The following TEC variants were observed in gnomAD, a reference collection of about 807,000 sequenced individuals.
The protein encoded by TEC is tyrosine-protein kinase Tec.
In TEC, 72 loss-of-function variants were observed where a neutral mutation model predicts 93.0. The ratio of observed to expected loss-of-function variants is 0.77; its 90% CI spans 0.64 to 0.94. TEC has a LOEUF of 0.94. Ranked by LOEUF, TEC falls within the 40% of genes least tolerant of loss-of-function variation. The pLI, the probability that TEC is intolerant of heterozygous loss-of-function variation, is 0.00. For synonymous variants in TEC, 249 were observed against 247.7 expected (o/e 1.01, Z -0.05); for missense variants, 630 against 757.9 (o/e 0.83, Z 1.98).
chr4:48,149,720 C>G (rs1330221767), intron 10 of TEC, 30 bp from the exon 11 acceptor site: 1 of 1,577,432 alleles, frequency 6.3e-7, no homozygotes, highest in Non-Finnish European at 8.6e-7. Flanking sequence ...GTGTCAGAAC[C>G]AAGTTGAAAT....
At chr4:48,255,156 A>G (rs999481981) in intron 1 of TEC, among the ~76,000 whole-genome samples, 4 of 152,222 alleles carry the variant, frequency 2.6e-5, no homozygotes, top group Non-Finnish European at 5.9e-5. Flanking sequence ...TGACTCCTGC[A>G]CTTCAAACAA....
At chr4:48,180,005 G>T (rs1269494790) in intron 2 of TEC, among the ~76,000 whole-genome samples, 1 of 152,054 alleles carries the variant, frequency 6.6e-6, no homozygotes, top group Non-Finnish European at 1.5e-5. Context: ...GTACCACCTG[G>T]CCTGGCTTCT....
chr4:48,145,328 G>A (rs1182166216), intron 13 of TEC, 33 bp from the exon 14 acceptor site: 3 of 1,611,444 alleles, frequency 1.9e-6, no homozygotes, highest in Non-Finnish European at 2.5e-6. Context: ...AGTTACTATA[G>A]GAAAAGAAAC....
rs1278229184 is a variant in TEC at position 48,265,692 on chromosome 4, T to C, written c.-46+4060A>G. ...CACGCCCAGCTAATTTTTGTATTTT[T>C]AGCAGAGATGGGGTTTCACCATGTT... On this transcript the variant is annotated intron_variant, in intron 1 of 17. Coordinates refer to ENST00000381501, the MANE Select transcript of TEC (RefSeq NM_003215.3). 2.0e-5 allele frequency among the ~76,000 whole-genome samples: 3 copies of C among 151,964 alleles called. No individual in the cohort carries two copies. The East Asian group carries it at 5.8e-4, about 29-fold the overall frequency.
intron 7 of TEC, among the ~76,000 whole-genome samples, chr4:48,165,138 C>G (rs1720828984): frequency 6.6e-6 from 1 of 152,160 alleles, no homozygotes; most frequent in South Asian, 2.1e-4. Flanking sequence ...TAACAGGATC[C>G]TCTACCAAAA....
At chr4:48,163,647 T>C in intron 8 of TEC, 55 bp downstream of exon 8, 1 of 1,149,778 alleles carries the variant, frequency 8.7e-7, no homozygotes, top group South Asian at 1.5e-5. Context: ...CTTACATAAT[T>C]AGGAAAATGA....
intron 1 of TEC, among the ~76,000 whole-genome samples, chr4:48,265,669 C>T (rs1459279023): frequency 4.0e-5 from 6 of 151,820 alleles, no homozygotes; most frequent in Admixed American, 6.6e-5. Flanking sequence ...TGAGCCACCA[C>T]GCCCAGCTAA....
At chr4:48,230,749 C>T (rs1577659555) in intron 1 of TEC, among the ~76,000 whole-genome samples, 2 of 152,202 alleles carry the variant, frequency 1.3e-5, no homozygotes, top group East Asian at 3.8e-4. Flanking sequence ...TTCCACCACA[C>T]TCCAATCAAA....
intron 1 of TEC, among the ~76,000 whole-genome samples, chr4:48,238,530 C>T (rs1560421686): frequency 6.6e-6 from 1 of 152,086 alleles, no homozygotes; most frequent in African/African-American, 2.4e-5. Context: ...ATATCCCCTA[C>T]CCCAGTCCAC....
At chr4:48,148,733 T>C (rs1210509319) in intron 11 of TEC, among the ~76,000 whole-genome samples, 1 of 152,218 alleles carries the variant, frequency 6.6e-6, no homozygotes. Flanking sequence ...GGTAAACTTG[T>C]GTCATGGGGG....
rs201187705 is a variant in TEC, at chr4:48,165,816, T to A, written c.671+1962A>T. On this transcript the variant is annotated intron_variant, in intron 7 of 17. Transcript: ENST00000381501. The stretch of plus-strand genomic sequence containing the variant: ...TATTAACCAAAATGCAGTGTGTGGG[T>A]CCTGATTTGAATAAACCAACAGTAA... 7.9e-5 allele frequency among the ~76,000 whole-genome samples: 12 copies of A among 152,330 alleles called. No homozygotes were observed. The East Asian group carries it at 2.1e-3, about 27-fold the overall frequency.
rs569822873 is a variant in TEC, at chr4:48,239,451, G to A, written c.-45-10792C>T. Among the ~76,000 whole-genome samples, 18 of 152,004 alleles carry A rather than the reference G, an allele frequency of 1.2e-4. No homozygotes were observed. In the South Asian group the frequency reaches 3.5e-3, roughly 30 times the overall value. On this transcript the variant is annotated intron_variant, in intron 1 of 17. Coordinates refer to ENST00000381501, the MANE Select transcript of TEC (RefSeq NM_003215.3). ...AATTTCTTGTATAAAACGAATATTT[G>A]TCTATTTCTTGCTACTGCAGAGGGA...
chr4:48,243,685 G>A (rs1390401582), intron 1 of TEC, among the ~76,000 whole-genome samples: 1 of 152,158 alleles, frequency 6.6e-6, no homozygotes, highest in African/African-American at 2.4e-5. Flanking sequence ...TGTGATCAGT[G>A]CTAGACCACA....
intron 1 of TEC, among the ~76,000 whole-genome samples, chr4:48,235,086 G>C (rs1258170930): frequency 1.3e-5 from 2 of 151,942 alleles, no homozygotes; most frequent in African/African-American, 2.4e-5. Context: ...AAAAAAAAAA[G>C]CTGATTAGTA....
At chr4:48,226,021 G>C (rs746848639) in intron 2 of TEC, among the ~76,000 whole-genome samples, 1 of 152,118 alleles carries the variant, frequency 6.6e-6, no homozygotes, top group Non-Finnish European at 1.5e-5. Context: ...CTGGTTCTCA[G>C]GGTGGCTGAG....
intron 2 of TEC, among the ~76,000 whole-genome samples, chr4:48,216,844 C>T (rs1325655335): frequency 1.3e-5 from 2 of 152,214 alleles, no homozygotes; most frequent in African/African-American, 2.4e-5. Flanking sequence ...TAGCCTTTCT[C>T]TCATCATAAT....
At chr4:48,243,967 TAAAAAAA>T (rs11386785) in intron 1 of TEC, among the ~76,000 whole-genome samples, 1 of 132,658 alleles carries the variant, frequency 7.5e-6, no homozygotes, top group African/African-American at 2.8e-5. Flanking sequence ...AAAGTATAAT[TAAAAAAA>T]AAAAAAAAGA....
intron 10 of TEC, 106 bp from the exon 11 acceptor site, chr4:48,149,796 T>A: frequency 9.0e-7 from 1 of 1,110,048 alleles, no homozygotes; most frequent in Non-Finnish European, 1.2e-6. Flanking sequence ...TATGATCCCA[T>A]CTATTCCTGG....
intron 7 of TEC, among the ~76,000 whole-genome samples, chr4:48,165,592 A>C (rs1382272715): frequency 6.6e-6 from 1 of 151,206 alleles, no homozygotes; most frequent in Non-Finnish European, 1.5e-5. Flanking sequence ...TAAAAGTAGG[A>C]CATCCAGAGA....
Sources: gnomAD v4.1 joint callset for allele counts (sites outside exome capture counted in the v4.1 genomes callset) on GRCh38, gnomAD v4.1.1 for gene constraint, MANE v1.5 for transcripts, NCBI Gene and HGNC (gene_info 2026-07-23, HGNC 2026-07-21) for gene names.